The following FREM2 variants were observed in gnomAD, a reference collection of about 807,000 sequenced individuals.
FREM2 encodes FRAS1 related extracellular matrix 2.
A neutral mutation model predicts 219.9 loss-of-function variants in FREM2; 119 were observed. The ratio of observed to expected loss-of-function variants is 0.54; its 90% CI spans 0.47 to 0.63. FREM2 has a LOEUF of 0.63. FREM2 is among the 30% of genes least tolerant of loss of function. The pLI is 0.00. For missense variants in FREM2, 4,030 were observed against 3,993.6 expected (o/e 1.01, Z -0.25); for synonymous variants, 1,562 against 1,522.8 (o/e 1.03, Z -0.60).
intron 2 of FREM2, among the ~76,000 whole-genome samples, chr13:38,710,867 T>C (rs1469143321): frequency 6.6e-6 from 1 of 152,252 alleles, no homozygotes; most frequent in Non-Finnish European, 1.5e-5. Flanking sequence ...TTACTTTCTA[T>C]ATCTTTCAAG....
At chr13:38,828,268 G>A (rs1593432213) in intron 6 of FREM2, among the ~76,000 whole-genome samples, 1 of 152,078 alleles carries the variant, frequency 6.6e-6, no homozygotes, top group African/African-American at 2.4e-5. Flanking sequence ...AGGTTGTTAG[G>A]AAGATTGAGT....
chr13:38,749,971 G>A (rs1422001176), intron 2 of FREM2, among the ~76,000 whole-genome samples: 3 of 152,066 alleles, frequency 2.0e-5, no homozygotes, highest in Non-Finnish European at 2.9e-5. Context: ...TGGCCTAGGA[G>A]AAAAATTTTG....
chr13:38,749,897 C>T (rs905190818), intron 2 of FREM2, among the ~76,000 whole-genome samples: 3 of 152,148 alleles, frequency 2.0e-5, no homozygotes, highest in Non-Finnish European at 2.9e-5. Flanking sequence ...CTCAAATCCT[C>T]CACATATTCA....
chr13:38,751,887 TGTGTGTGTG>T (rs1872787419), intron 2 of FREM2, among the ~76,000 whole-genome samples: 3 of 150,940 alleles, frequency 2.0e-5, no homozygotes, highest in South Asian at 2.2e-4. Context: ...TGTGTGTGTG[TGTGTGTGTG>T]TTTTCCTTTT....
intron 2 of FREM2, among the ~76,000 whole-genome samples, chr13:38,733,361 G>A (rs1479171717): frequency 2.0e-5 from 3 of 150,786 alleles, no homozygotes; most frequent in African/African-American, 7.3e-5. Context: ...AGGCAAAGAA[G>A]TGAGGGATCA....
At chr13:38,731,961 G>A (rs536995276) in intron 2 of FREM2, among the ~76,000 whole-genome samples, 1 of 152,276 alleles carries the variant, frequency 6.6e-6, no homozygotes, top group Admixed American at 6.5e-5. Context: ...GTATAAAAAA[G>A]ATGATTCTGA....
chr13:38,766,121 TA>T (rs1873424828), intron 3 of FREM2, among the ~76,000 whole-genome samples: 1 of 152,220 alleles, frequency 6.6e-6, no homozygotes, highest in African/African-American at 2.4e-5. Context: ...CTGGTGAGTT[TA>T]TTTAATTTTT....
intron 6 of FREM2, among the ~76,000 whole-genome samples, chr13:38,811,549 G>A (rs1302164571): frequency 2.0e-5 from 3 of 151,844 alleles, no homozygotes; most frequent in Non-Finnish European, 4.4e-5. Flanking sequence ...CTTAATTTCT[G>A]CATTGGCCCA....
intron 6 of FREM2, among the ~76,000 whole-genome samples, chr13:38,834,874 A>G (rs959745259): frequency 1.5e-4 from 23 of 152,298 alleles, no homozygotes; most frequent in African/African-American, 4.6e-4. Context: ...ATAGATTGCA[A>G]AGATTTTCTC....
At chr13:38,749,827 G>A (rs148867529) in intron 2 of FREM2, among the ~76,000 whole-genome samples, 1 of 152,190 alleles carries the variant, frequency 6.6e-6, no homozygotes, top group African/African-American at 2.4e-5. Flanking sequence ...CACTTTCCAA[G>A]TCTGCTCTTT....
chr13:38,779,604 A>G (rs1874036054), intron 4 of FREM2: 2 of 152,240 alleles, frequency 1.3e-5, no homozygotes, highest in South Asian at 4.1e-4. Context: ...CAGCAAAGAC[A>G]TTTCTCTCCA....
Position 38,881,745 on chromosome 13 carries a change from A to C in FREM2, c.*958A>C, listed in dbSNP as rs1004053736. 5 of 152,626 alleles carry C rather than the reference A, an allele frequency of 3.3e-5. No homozygotes were observed. The highest frequency in any genetic ancestry group is 5.9e-5 in the Non-Finnish European group (4 of 68,038). The allele number at this position is 152,626 out of a possible 1,614,324, so 9.5% of individuals were successfully genotyped here. On this transcript the variant is annotated 3_prime_UTR_variant, in exon 24 of 24. Coordinates refer to ENST00000280481, the MANE Select transcript of FREM2 (RefSeq NM_207361.6). ...ATGGTGAAGGGAGAAAGTGGTATTT[A>C]TTAATATAATGTGTATAATCAGAGT...
rs114595447 is a variant in FREM2 at position 38,692,304 on chromosome 13, A to C, written c.4960A>C (p.Ser1654Arg). 2.3e-4 allele frequency: 367 copies of C among 1,611,014 alleles called. 1 individual carries two copies. The highest frequency in any genetic ancestry group is 2.2e-3 in the Middle Eastern group (13 of 6,036). ...MKIQVLAVDN[S>R]VPQIAVNKGA... ...GATCCAGGTCTTGGCTGTTGACAAC[A>C]GTGTCCCCCAAATCGCAGTGAATAA... Residue 1654 changes from serine to arginine, a missense_variant, in exon 1 of 24, where the codon AGT becomes CGT. Physicochemically the swap from Ser to Arg is moderately radical, Grantham distance 110 (BLOSUM62 -1). Around this residue, in one of 2 missense-constraint regions of FREM2, gnomAD observed 3,102 missense variants for 2,950.7 expected, o/e 1.05. Coordinates refer to ENST00000280481, the MANE Select transcript of FREM2 (RefSeq NM_207361.6).
intron 6 of FREM2, among the ~76,000 whole-genome samples, chr13:38,814,222 C>G (rs1372384340): frequency 3.9e-5 from 6 of 152,018 alleles, no homozygotes; most frequent in African/African-American, 1.4e-4. Context: ...TTGGTGAGGT[C>G]TTGTTTTCCT....
At chr13:38,820,266 G>A (rs756546689) in intron 6 of FREM2, among the ~76,000 whole-genome samples, 2 of 152,054 alleles carry the variant, frequency 1.3e-5, no homozygotes, top group Non-Finnish European at 2.9e-5. Context: ...TCAAGTCCTC[G>A]TGGATAAATA....
rs537344783 is a variant in FREM2, at chr13:38,752,567, ATGAGAT to A, written c.5264-11735_5264-11730del. 1.0e-3 allele frequency among the ~76,000 whole-genome samples: 154 copies of A among 152,270 alleles called. 1 individual carries two copies. Among genetic ancestry groups the A allele is most frequent in the African/African-American group, 3.6e-3 (149 of 41,566 alleles). ...CCACTCTAATCTCTTCATACTAGCC[ATGAGAT>A]TTAAGTTTTGGTAATAATGGAAACA... On this transcript the variant is annotated intron_variant, in intron 2 of 23. Coordinates refer to ENST00000280481, the MANE Select transcript of FREM2 (RefSeq NM_207361.6).
At chr13:38,750,678 T>G (rs9576610) in intron 2 of FREM2, among the ~76,000 whole-genome samples, 7,553 of 152,176 alleles carry the variant, frequency 0.05, 332 homozygotes, top group East Asian at 0.15. Flanking sequence ...GTAGTTCTGT[T>G]TTTAGCCATG....
intron 6 of FREM2, among the ~76,000 whole-genome samples, chr13:38,824,067 C>T (rs1876175269): frequency 6.6e-6 from 1 of 151,900 alleles, no homozygotes; most frequent in African/African-American, 2.4e-5. Flanking sequence ...AGTGATTATT[C>T]AAGTGAAAGG....
intron 6 of FREM2, among the ~76,000 whole-genome samples, chr13:38,825,728 C>T (rs553070155): frequency 1.1e-4 from 17 of 152,166 alleles, no homozygotes; most frequent in Middle Eastern, 6.8e-3. Context: ...TTAAGCTGTC[C>T]AGTTCTATTA....
Sources: gnomAD v4.1 joint callset for allele counts (sites outside exome capture counted in the v4.1 genomes callset) on GRCh38, gnomAD v4.1.1 for gene constraint, gnomAD v4.1.1 regional missense constraint, MANE v1.5 for transcripts, NCBI Gene and HGNC (gene_info 2026-07-23, HGNC 2026-07-21) for gene names.